Variants in CLBA1 observed in about 807,000 individuals in gnomAD.
CLBA1 encodes clathrin binding box of aftiphilin containing 1, also known as uncharacterized protein CLBA1.
In CLBA1, 30 loss-of-function variants were observed where a neutral mutation model predicts 28.8. The observed-to-expected ratio is 1.04, with a 90% confidence interval of 0.78 to 1.41. The LOEUF is 1.41. CLBA1 is among the 40% of genes most tolerant of loss of function. The pLI, the probability that CLBA1 is intolerant of heterozygous loss-of-function variation, is 0.00. For missense variants in CLBA1, 451 were observed against 412.3 expected, an observed-to-expected ratio of 1.09 and a Z score of -0.81; for synonymous variants, 160 against 152.8, an observed-to-expected ratio of 1.05 and a Z score of -0.35.
chr14:104,995,150 A>G lies in CLBA1; in HGVS notation c.*391A>G, dbSNP rs948815285. 43 of 991,726 alleles carry G rather than the reference A, an allele frequency of 4.3e-5. No individual in the cohort carries two copies. The highest frequency in any genetic ancestry group is 7.2e-6 in the Non-Finnish European group (6 of 834,384). The allele number at this position is 991,726 out of a possible 1,614,324, so 61.4% of individuals were successfully genotyped here. On this transcript the variant is annotated 3_prime_UTR_variant, in exon 5 of 5. Coordinates refer to ENST00000547315, the MANE Select transcript of CLBA1 (RefSeq NM_174891.4). ...GCCAAATCCATGAGTTCAGAGGAAA[A>G]GGGGAAGGCACTGAAACGTCACCAG...
downstream of CLBA1, among the ~76,000 whole-genome samples, chr14:104,999,795 A>G (rs949203836): frequency 1.8e-4 from 27 of 152,268 alleles, no homozygotes; most frequent in African/African-American, 6.5e-4. Flanking sequence ...GAGTGAATGC[A>G]GTGCATAGAA....
At chr14:104,992,114 TGCACACGCCACCAC>T (rs1265916366) in intron 3 of CLBA1, among the ~76,000 whole-genome samples, 3 of 102,390 alleles carry the variant, frequency 2.9e-5, no homozygotes, top group African/African-American at 7.8e-5. Flanking sequence ...CATGCCGCCA[TGCACACGCCACCAC>T]GCACACGCCG....
intron 1 of CLBA1, among the ~76,000 whole-genome samples, chr14:104,988,204 C>T (rs1434506608): frequency 6.6e-6 from 1 of 152,210 alleles, no homozygotes; most frequent in Non-Finnish European, 1.5e-5. Context: ...TGTAGCACAC[C>T]TGTCAACACC....
intron 2 of CLBA1, among the ~76,000 whole-genome samples, chr14:105,000,774 G>A (rs1900252569): frequency 6.6e-6 from 1 of 152,092 alleles, no homozygotes; most frequent in South Asian, 2.1e-4. Context: ...GTAGAGAAAT[G>A]GGAATGCTTG....
At chr14:104,997,958 G>A (rs139841749), downstream of CLBA1, among the ~76,000 whole-genome samples, 210 of 152,142 alleles carry the variant, frequency 1.4e-3, no homozygotes, top group Non-Finnish European at 1.6e-3. Flanking sequence ...GCAGTGAGCC[G>A]AGATCACGCC....
rs761749995 is a variant in CLBA1, at chr14:104,986,663, T to TG, written c.238dup (p.Glu80GlyfsTer3). On this transcript the variant is annotated frameshift_variant, in exon 1 of 5. Transcript: ENST00000547315. LOFTEE classifies it high-confidence loss of function. The stretch of plus-strand genomic sequence containing the variant: ...TGACCCTGGGGAACACAGCAGCACT[T>TG]GGGGGGAGTTTGAAGGCTTTCGGGA... 2 of 1,613,974 alleles carry TG rather than the reference T, an allele frequency of 1.2e-6. No homozygotes were observed. The highest frequency in any genetic ancestry group is 1.3e-5 in the African/African-American group (1 of 75,008).
chr14:104,993,012 T>G lies in CLBA1; in HGVS notation c.764T>G (p.Leu255Arg), dbSNP rs1451559302. The change falls in exon 4 of 5, where the codon CTC becomes CGC. Residue 255 changes from leucine to arginine, a missense_variant. Coordinates refer to ENST00000547315, the MANE Select transcript of CLBA1 (RefSeq NM_174891.4). The part of the protein sequence containing the change: ...DCDLKEPEGL[L>R]TVSSFCLQHC... ...GACCTCAAAGAGCCTGAAGGACTCC[T>G]CACTGTCAGCAGCTTCTGTCTCCAG... 6.2e-7 allele frequency: 1 copy of G among 1,614,144 alleles called. No individual in the cohort carries two copies. Among genetic ancestry groups the G allele is most frequent in the African/African-American group, 1.3e-5 (1 of 75,040 alleles).
At position 104,986,549 on chromosome 14, in the gene CLBA1, C is replaced by G. The variant is rs201210390; in HGVS notation, c.118C>G (p.Arg40Gly). 71 of 1,613,888 alleles carry G rather than the reference C, an allele frequency of 4.4e-5. No homozygotes were observed. Among genetic ancestry groups the G allele is most frequent in the Non-Finnish European group, 4.1e-5 (48 of 1,180,026 alleles). The stretch of plus-strand genomic sequence containing the variant: ...GAGTGATGACAGTTTGGAATGGAGA[C>G]GGACCTGCCCCGACCTTCTCCTGTC... Reference protein sequence around the residue: ...RLSDDSLEWRRTCPDLLLSDG... With the variant: ...RLSDDSLEWRGTCPDLLLSDG... The change falls in exon 1 of 5, where the codon CGG becomes GGG. Residue 40 changes from arginine (R) to glycine (G), a missense_variant. Arg to Gly is a moderately radical substitution (Grantham distance 125, BLOSUM62 -2). Coordinates refer to ENST00000547315, the MANE Select transcript of CLBA1 (RefSeq NM_174891.4).
chr14:104,994,927 A>G lies in CLBA1; in HGVS notation c.*168A>G. On this transcript the variant is annotated 3_prime_UTR_variant, in exon 5 of 5. Coordinates refer to ENST00000547315, the MANE Select transcript of CLBA1 (RefSeq NM_174891.4). ...TTCTGGGCTTGTCTCGGGTCTGACC[A>G]GGAGATGGAGGATGTGTCCTTGGCA... 7.4e-7 allele frequency: 1 copy of G among 1,352,516 alleles called. No individual in the cohort carries two copies. Among genetic ancestry groups the G allele is most frequent in the Non-Finnish European group, 9.5e-7 (1 of 1,055,012 alleles). 83.8% of individuals were successfully genotyped at this position (1,352,516 alleles called of 1,614,324 possible). A position where few individuals can be genotyped will look rare whatever the true frequency, so the allele number is the denominator to read the frequency against.
At chr14:104,992,330 G>A (rs1595444566) in intron 3 of CLBA1, among the ~76,000 whole-genome samples, 1 of 152,218 alleles carries the variant, frequency 6.6e-6, no homozygotes, top group Non-Finnish European at 1.5e-5. Context: ...CGCAGAAAAC[G>A]CCAGTCATAG....
chr14:104,993,803 G>T, intron 4 of CLBA1: 1 of 985,406 alleles, frequency 1.0e-6, no homozygotes, highest in South Asian at 4.7e-5. Flanking sequence ...CCCAGGAGAT[G>T]GTGGGAGGGG....
At chr14:104,994,521 G>A (rs71421897) in intron 4 of CLBA1, 77 bp from the exon 5 acceptor site, 200,252 of 1,503,330 alleles carry the variant, frequency 0.13, 14,716 homozygotes, top group East Asian at 0.26. Context: ...GGCAGGGGGC[G>A]GCCAGGGGCA....
At chr14:104,986,938 C>T in intron 1 of CLBA1, 84 bp downstream of exon 1, 4 of 1,487,678 alleles carry the variant, frequency 2.7e-6, no homozygotes, top group East Asian at 4.5e-5. Flanking sequence ...CTGTGGCGTG[C>T]TGGCCAGGGA....
intron 3 of CLBA1, among the ~76,000 whole-genome samples, chr14:104,992,049 A>G (rs531198487): frequency 1.8e-4 from 24 of 132,400 alleles, no homozygotes; most frequent in Non-Finnish European, 2.7e-4. Flanking sequence ...CGCACACGCC[A>G]CCACGCACAC....
At chr14:104,992,176 GCA>G (rs1900051989) in intron 3 of CLBA1, among the ~76,000 whole-genome samples, 1 of 128,574 alleles carries the variant, frequency 7.8e-6, no homozygotes, top group African/African-American at 3.1e-5. Flanking sequence ...ATGCCACCAT[GCA>G]CACACTGCCA....
chr14:104,986,139 C>G lies in CLBA1; in HGVS notation c.-293C>G, dbSNP rs911167802. Reference sequence around the variant, plus strand: ...GAGCCCCACCTTGGGCCGCCCCTCTCACACCTGCCGTGGGTCTGGTACGCG... The same window carrying G: ...GAGCCCCACCTTGGGCCGCCCCTCTGACACCTGCCGTGGGTCTGGTACGCG... On this transcript the variant is annotated 5_prime_UTR_variant, in exon 1 of 5. Transcript: ENST00000547315. The G allele has an allele frequency of 2.5e-5, 12 of 478,120 alleles. No homozygotes were observed. In the Admixed American group the frequency reaches 3.7e-4, roughly 15 times the overall value. The allele number at this position is 478,120 out of a possible 1,614,324, so 29.6% of individuals were successfully genotyped here.
chr14:104,989,566 C>T (rs1899960946), intron 2 of CLBA1: 21 of 455,636 alleles, frequency 4.6e-5, no homozygotes, highest in South Asian at 3.1e-4. Context: ...CCCGGTGCTG[C>T]CTGCAGGGCC....
intron 4 of CLBA1, chr14:104,994,103 CTGTCCATCTTTT>C (rs1900109334): frequency 1.0e-6 from 1 of 985,122 alleles, no homozygotes; most frequent in Admixed American, 6.1e-5. Flanking sequence ...TCTTCACAGG[CTGTCCATCTTTT>C]TGAAAAGCAC....
downstream of CLBA1, among the ~76,000 whole-genome samples, chr14:104,996,629 C>T (rs1488829846): frequency 1.3e-5 from 2 of 152,286 alleles, no homozygotes; most frequent in African/African-American, 2.4e-5. Flanking sequence ...GGGCGCAAGG[C>T]GAGGGGCTGG....
Sources: allele counts gnomAD v4.1 joint callset (sites outside exome capture counted in the v4.1 genomes callset), GRCh38; gene constraint gnomAD v4.1.1; transcripts MANE v1.5; gene names NCBI Gene and HGNC (gene_info 2026-07-23, HGNC 2026-07-21).